Variants in RRM2B observed in about 807,000 individuals in gnomAD.
The protein encoded by RRM2B is ribonucleotide reductase regulatory TP53 inducible subunit M2B.
A neutral mutation model predicts 45.9 loss-of-function variants in RRM2B; 20 were observed. The observed-to-expected ratio is 0.44, with a 90% CI of 0.31 to 0.63. The LOEUF (loss-of-function observed/expected upper bound fraction) is 0.63. Ranked by LOEUF, RRM2B falls within the 30% of genes least tolerant of loss-of-function variation. The pLI is 0.09. For synonymous variants in RRM2B, 124 were observed against 132.3 expected (o/e 0.94, Z 0.43); for missense variants, 320 against 414.7 (o/e 0.77, Z 1.98).
chr8:102,225,878 G>A (rs978846086), intron 3 of RRM2B, 40 bp downstream of exon 3: 2 of 1,066,772 alleles, frequency 1.9e-6, no homozygotes, highest in African/African-American at 3.1e-5. Context: ...TCATTTAACT[G>A]CTAAAGGAGA....
intron 8 of RRM2B, among the ~76,000 whole-genome samples, chr8:102,209,717 G>A (rs1273542390): frequency 1.3e-5 from 2 of 152,188 alleles, no homozygotes; most frequent in African/African-American, 4.8e-5. Flanking sequence ...TAGATCAAAA[G>A]AGGAAACAAC....
rs949889600 is a variant in RRM2B, at chr8:102,204,508, A to G, written c.*3625T>C. The G allele has an allele frequency of 6.6e-5, 10 of 152,256 alleles. No homozygotes were observed. Among genetic ancestry groups the G allele is most frequent in the African/African-American group, 2.2e-4 (9 of 41,474 alleles). The allele number at this position is 152,256 out of a possible 1,614,324, so 9.4% of individuals were successfully genotyped here. A position where few individuals can be genotyped will look rare whatever the true frequency, so the allele number is the denominator to read the frequency against. ...TTATCTGCAGACACAAATAGTAAGTATATACATTCCTTTATTAGGGTAGCC... is the reference window on the plus strand; with the variant it reads ...TTATCTGCAGACACAAATAGTAAGTGTATACATTCCTTTATTAGGGTAGCC... On this transcript the variant is annotated 3_prime_UTR_variant, in exon 9 of 9. Coordinates refer to ENST00000251810, the MANE Select transcript of RRM2B (RefSeq NM_015713.5).
chr8:102,211,381 A>C (rs144817210), intron 8 of RRM2B, among the ~76,000 whole-genome samples: 401 of 152,356 alleles, frequency 2.6e-3, no homozygotes, highest in Non-Finnish European at 5.1e-3. Flanking sequence ...TTAAAAATCT[A>C]AGGCCTCTAT....
Position 102,225,037 on chromosome 8 carries a change from T to C in RRM2B, c.322-19A>G, listed in dbSNP as rs763658401. 2.6e-5 allele frequency: 42 copies of C among 1,613,318 alleles called. No individual in the cohort carries two copies. The highest frequency in any genetic ancestry group is 3.3e-5 in the South Asian group (3 of 91,050). ...GCTCCACCTAAGAAGATAAGGAAAA[T>C]AGATATATCCAGTTCTATAGGCTCT... On this transcript the variant is annotated intron_variant, in intron 3 of 8. Transcript: ENST00000251810.
rs747239407 is a variant in RRM2B at position 102,238,925 on chromosome 8, G to C, written c.-51C>G. 9 of 1,588,502 alleles carry C rather than the reference G, an allele frequency of 5.7e-6. No individual in the cohort carries two copies. The African/African-American group carries it at 1.2e-4, about 21-fold the overall frequency. On this transcript the variant is annotated 5_prime_UTR_variant, in exon 1 of 9. Transcript: ENST00000251810. ...GCGCTGAGGGAACTGAGCTCCTCAGGCCACCTCCAACTACGACAGCACCCA... is the reference window on the plus strand; with the variant it reads ...GCGCTGAGGGAACTGAGCTCCTCAGCCCACCTCCAACTACGACAGCACCCA...
At position 102,224,943 on chromosome 8, in the gene RRM2B, C is replaced by T. The variant is rs776953012; in HGVS notation, c.397G>A (p.Val133Ile). 41 of 1,613,430 alleles carry T rather than the reference C, an allele frequency of 2.5e-5. No homozygotes were observed. The highest frequency in any genetic ancestry group is 3.5e-5 in the Non-Finnish European group (41 of 1,179,490). ...AGCAAACTGTACATCTCTGAGTGAA[C>T]ATTCTCGATGAGAATTTGAAAGCCA... Reference protein sequence around the residue: ...FYGFQILIENVHSEMYSLLID... With the variant: ...FYGFQILIENIHSEMYSLLID... The change falls in exon 4 of 9, where the codon GTT becomes ATT. Residue 133 changes from valine (V) to isoleucine (I), a missense_variant. Physicochemically the swap from Val to Ile is conservative, Grantham distance 29. Coordinates refer to ENST00000251810, the MANE Select transcript of RRM2B (RefSeq NM_015713.5).
At position 102,225,950 on chromosome 8, in the gene RRM2B, C is replaced by A; in HGVS notation, c.289G>T (p.Ala97Ser). 1 of 1,611,410 alleles carries A rather than the reference C, an allele frequency of 6.2e-7. No individual in the cohort carries two copies. The highest frequency in any genetic ancestry group is 2.2e-5 in the East Asian group (1 of 44,782). Residue 97 changes from alanine (A) to serine (S), a missense_variant, in exon 3 of 9, where the codon GCA (alanine) becomes TCA (serine). Ala to Ser is a moderately conservative substitution (Grantham distance 99). Coordinates refer to ENST00000251810, the MANE Select transcript of RRM2B (RefSeq NM_015713.5). ...YFISHILAFF[A>S]ASDGIVNENL... Reference sequence around the variant, plus strand: ...TCATTTACAATTCCATCACTGGCTGCAAAAAAGGCTAAGATGTGAGAGATG... The same window carrying A: ...TCATTTACAATTCCATCACTGGCTGAAAAAAAGGCTAAGATGTGAGAGATG...
At chr8:102,227,358 C>T (rs540444614) in intron 2 of RRM2B, among the ~76,000 whole-genome samples, 58 of 152,110 alleles carry the variant, frequency 3.8e-4, no homozygotes, top group African/African-American at 1.3e-3. Flanking sequence ...AGTGCGGTGG[C>T]ACAATCTCAG....
At position 102,204,714 on chromosome 8, in the gene RRM2B, T is replaced by C. The variant is rs1810514370; in HGVS notation, c.*3419A>G. ...CCATAATGTATTTCAGCAAAAAAAA[T>C]TTAGATACACCACACATAATAAAGC... On this transcript the variant is annotated 3_prime_UTR_variant, in exon 9 of 9. Transcript: ENST00000251810. 6.6e-6 allele frequency: 1 copy of C among 151,810 alleles called. No homozygotes were observed. The highest frequency in any genetic ancestry group is 2.4e-5 in the African/African-American group (1 of 41,330). 9.4% of individuals were successfully genotyped at this position (151,810 alleles called of 1,614,324 possible). A position where few individuals can be genotyped will look rare whatever the true frequency, so the allele number is the denominator to read the frequency against.
At chr8:102,221,570 C>G (rs778709006) in intron 5 of RRM2B, among the ~76,000 whole-genome samples, 2 of 152,196 alleles carry the variant, frequency 1.3e-5, no homozygotes, top group Non-Finnish European at 2.9e-5. Flanking sequence ...ACTCTTTCCT[C>G]TTTCCCTGTT....
intron 8 of RRM2B, among the ~76,000 whole-genome samples, chr8:102,208,761 AG>A (rs1273378326): frequency 6.6e-6 from 1 of 152,226 alleles, no homozygotes. Flanking sequence ...GAACATGATC[AG>A]GGAAGACAGA....
In RRM2B at chr8:102,224,991, C is replaced by T; in HGVS notation, c.349G>A (p.Val117Ile). ...LVERFSQEVQVPEARCFYGFQ... is the reference protein window; with the variant it reads ...LVERFSQEVQIPEARCFYGFQ... ...CCATAGAAACAGCGAGCCTCTGGAACCTGCACCTCCTGACTAAAGCGCTCC... is the reference window on the plus strand; with the variant it reads ...CCATAGAAACAGCGAGCCTCTGGAATCTGCACCTCCTGACTAAAGCGCTCC... Residue 117 changes from valine to isoleucine, a missense_variant, in exon 4 of 9, where the codon GTT becomes ATT. Physicochemically the swap from Val to Ile is conservative, Grantham distance 29. This residue lies in a region of RRM2B where 225 missense variants were observed against 289.4 expected (regional missense o/e 0.78). Coordinates refer to ENST00000251810, the MANE Select transcript of RRM2B (RefSeq NM_015713.5). The T allele has an allele frequency of 1.2e-6, 2 of 1,614,054 alleles. No individual in the cohort carries two copies. Among genetic ancestry groups the T allele is most frequent in the Non-Finnish European group, 1.7e-6 (2 of 1,179,966 alleles).
chr8:102,218,740 AAAG>A, intron 6 of RRM2B, 71 bp downstream of exon 6: 2 of 1,334,612 alleles, frequency 1.5e-6, no homozygotes, highest in Non-Finnish European at 2.1e-6. Context: ...AAAAAAAAAA[AAAG>A]ATGGAAAAGA....
chr8:102,207,432 T>C lies in RRM2B; in HGVS notation c.*701A>G, dbSNP rs1284033872. On this transcript the variant is annotated 3_prime_UTR_variant, in exon 9 of 9. Transcript: ENST00000251810. ...CAACTACCATGATAACCTCCTGGTT[T>C]CCACTCCATAAGTAGGCTTCCCAAA... is the stretch of plus-strand genomic sequence containing the variant. 1 of 152,244 alleles carries C rather than the reference T, an allele frequency of 6.6e-6. No homozygotes were observed. Among genetic ancestry groups the C allele is most frequent in the Non-Finnish European group, 1.5e-5 (1 of 68,036 alleles). 9.4% of individuals were successfully genotyped at this position (152,244 alleles called of 1,614,324 possible).
rs1391812472 is a variant in RRM2B, at chr8:102,223,862, T to TA, written c.550+183dup. Among the ~76,000 whole-genome samples the TA allele has an allele frequency of 2.6e-5, 4 of 152,216 alleles. No homozygotes were observed. The East Asian group carries it at 7.7e-4, about 29-fold the overall frequency. On this transcript the variant is annotated intron_variant, in intron 5 of 8. Transcript: ENST00000251810. ...CTTCCAACTTATTAAGTAGAATAGG[T>TA]AACAGCTTTATCACCACTTTCTAAT...
In RRM2B at chr8:102,226,032, G is replaced by T; in HGVS notation, c.207C>A (p.Val69=). 6.3e-7 allele frequency: 1 copy of T among 1,585,498 alleles called. No individual in the cohort carries two copies. Among genetic ancestry groups the T allele is most frequent in the South Asian group, 1.1e-5 (1 of 90,494 alleles). ...AQASFWTAEE[V]DLSKDLPHWN... is the part of the protein sequence containing the mutation. ...AGTGAGGGAGATCCTTTGATAAGTCGACCTGGAATAAAAAGATTTTCAAAA... is the reference window on the plus strand; with the variant it reads ...AGTGAGGGAGATCCTTTGATAAGTCTACCTGGAATAAAAAGATTTTCAAAA... Residue 69 remains valine, a splice_region_variant and synonymous_variant, in exon 3 of 9, where the codon GTC becomes GTA. Coordinates refer to ENST00000251810, the MANE Select transcript of RRM2B (RefSeq NM_015713.5).
Position 102,232,319 on chromosome 8 carries a change from G to A in RRM2B, c.49-15C>T. 1 of 1,612,188 alleles carries A rather than the reference G, an allele frequency of 6.2e-7. No individual in the cohort carries two copies. Among genetic ancestry groups the A allele is most frequent in the Non-Finnish European group, 8.5e-7 (1 of 1,178,654 alleles). ...GAAGATGATCTCTTTGAAAAATAAA[G>A]TACAAACACGCCTTTTATATAGACA... On this transcript the variant is annotated splice_polypyrimidine_tract_variant and intron_variant, in intron 1 of 8. Transcript: ENST00000251810.
chr8:102,233,445 T>C (rs1424126434), intron 1 of RRM2B, among the ~76,000 whole-genome samples: 2 of 152,212 alleles, frequency 1.3e-5, no homozygotes, highest in Non-Finnish European at 2.9e-5. Flanking sequence ...TTTTTATTTG[T>C]TGTGATGTTC....
chr8:102,212,120 T>C (rs922616769), intron 8 of RRM2B, among the ~76,000 whole-genome samples: 2 of 152,200 alleles, frequency 1.3e-5, no homozygotes, highest in Non-Finnish European at 2.9e-5. Flanking sequence ...TTAAGTGCTT[T>C]AAGTGTATCA....
Sources: allele counts gnomAD v4.1 joint callset (sites outside exome capture counted in the v4.1 genomes callset), GRCh38; gene constraint gnomAD v4.1.1; regional missense constraint gnomAD v4.1.1; transcripts MANE v1.5; gene names NCBI Gene and HGNC (gene_info 2026-07-23, HGNC 2026-07-21).